The following CCNY variants were observed in gnomAD, a reference collection of about 807,000 sequenced individuals.
The protein encoded by CCNY is cyclin-Y.
Under a neutral mutation model 42.8 loss-of-function variants are expected in CCNY, and 19 were observed. The observed-to-expected ratio is 0.44, with a 90% CI of 0.31 to 0.65. The LOEUF is 0.65. Ranked by LOEUF, CCNY falls within the 30% of genes least tolerant of loss-of-function variation. The pLI, the probability that CCNY is intolerant of heterozygous loss-of-function variation, is 0.07. For synonymous variants in CCNY, 165 were observed against 162.7 expected, an observed-to-expected ratio of 1.01 and a Z score of -0.11; for missense variants, 370 against 437.3, an observed-to-expected ratio of 0.85 and a Z score of 1.37.
In CCNY at chr10:35,336,957, C is replaced by G. The variant is rs1289020011; in HGVS notation, c.-97C>G. ...CGTGGCGGCGAGCGGGCGGGCCTCC[C>G]CACACGCCCCCGCCGCCCGCGCCCC... On this transcript the variant is annotated 5_prime_UTR_variant, in exon 1 of 10. Coordinates refer to ENST00000374704, the MANE Select transcript of CCNY (RefSeq NM_145012.6). 2.9e-6 allele frequency: 3 copies of G among 1,018,240 alleles called. No homozygotes were observed. Among genetic ancestry groups the G allele is most frequent in the South Asian group, 8.2e-5 (2 of 24,332 alleles). The allele number at this position is 1,018,240 out of a possible 1,614,324, so 63.1% of individuals were successfully genotyped here.
At chr10:35,298,827 G>A (rs933534025) in intron 3 of CCNY, among the ~76,000 whole-genome samples, 1 of 152,114 alleles carries the variant, frequency 6.6e-6, no homozygotes, top group African/African-American at 2.4e-5. Flanking sequence ...TGGCCTTGTT[G>A]TTGTTGTTTT....
chr10:35,434,860 G>A (rs112383470), intron 1 of CCNY, among the ~76,000 whole-genome samples: 1,589 of 152,210 alleles, frequency 0.01, 24 homozygotes, highest in African/African-American at 0.036. Flanking sequence ...TATTGCTTCT[G>A]TTTTTCTCCC....
At chr10:35,435,449 A>G (rs897200738) in intron 1 of CCNY, among the ~76,000 whole-genome samples, 2 of 152,214 alleles carry the variant, frequency 1.3e-5, no homozygotes, top group African/African-American at 4.8e-5. Flanking sequence ...CTAGTGGGTC[A>G]TATCGGGCTG....
At chr10:35,514,645 T>A (rs116134591) in intron 3 of CCNY, among the ~76,000 whole-genome samples, 1,994 of 152,330 alleles carry the variant, frequency 0.013, 33 homozygotes, top group East Asian at 0.055. Context: ...GGAAACCATT[T>A]ATTCTTTGCA....
chr10:35,432,820 C>T (rs1412743498), intron 1 of CCNY, among the ~76,000 whole-genome samples: 17 of 152,196 alleles, frequency 1.1e-4, no homozygotes, highest in Admixed American at 1.1e-3. Context: ...ATGTAAGAGA[C>T]AAAACAAATC....
intron 3 of CCNY, among the ~76,000 whole-genome samples, chr10:35,257,239 C>CCTTCCTTT: frequency 1.5e-5 from 2 of 132,612 alleles, no homozygotes. Context: ...TCCCTTCCTT[C>CCTTCCTTT]CTCTTTCTTT....
chr10:35,325,579 A>G (rs1835871110), intron 3 of CCNY, among the ~76,000 whole-genome samples: 1 of 149,924 alleles, frequency 6.7e-6, no homozygotes, highest in South Asian at 2.1e-4. Context: ...TACAGGGTTC[A>G]AGCTGAGGCC....
intron 7 of CCNY, among the ~76,000 whole-genome samples, chr10:35,532,647 A>C (rs959544944): frequency 6.6e-6 from 1 of 152,210 alleles, no homozygotes; most frequent in African/African-American, 2.4e-5. Flanking sequence ...TTGCACCTTG[A>C]TGAGTTATGT....
chr10:35,384,258 T>C (rs1837255492), intron 1 of CCNY, among the ~76,000 whole-genome samples: 2 of 152,312 alleles, frequency 1.3e-5, no homozygotes, highest in Middle Eastern at 3.4e-3. Flanking sequence ...TGTGCTTTTC[T>C]CCAAAGATGA....
chr10:35,465,767 C>T (rs754652435), intron 1 of CCNY, among the ~76,000 whole-genome samples: 22 of 152,134 alleles, frequency 1.4e-4, no homozygotes, highest in Non-Finnish European at 2.5e-4. Flanking sequence ...TCCAGCTCTG[C>T]GTGAGGCCCG....
At chr10:35,429,625 G>A (rs1005002324) in intron 1 of CCNY, among the ~76,000 whole-genome samples, 7 of 152,218 alleles carry the variant, frequency 4.6e-5, no homozygotes, top group Non-Finnish European at 7.3e-5. Context: ...TGAAAATGGA[G>A]TATGCAGGTA....
At chr10:35,484,093 G>A (rs1216762229) in intron 2 of CCNY, among the ~76,000 whole-genome samples, 2 of 152,204 alleles carry the variant, frequency 1.3e-5, no homozygotes, top group African/African-American at 2.4e-5. Flanking sequence ...AGAGGAGAGA[G>A]AAGATAAAAC....
At chr10:35,316,400 A>G (rs943441511) in intron 3 of CCNY, 4 of 152,130 alleles carry the variant, frequency 2.6e-5, no homozygotes, top group African/African-American at 9.7e-5. Flanking sequence ...ACCCATATCC[A>G]TGGTTATTTC....
intron 1 of CCNY, among the ~76,000 whole-genome samples, chr10:35,431,401 CCTCTCTCTCTCTCTCTCTCTCTCTCTCT>C (rs1177072692): frequency 3.3e-4 from 1 of 3,052 alleles, no homozygotes. Flanking sequence ...CCCCTCCCCT[CCTCTCTCTCTCTCTCTCTCTCTCTCTCT>C]CTCTCTCTCT....
intron 1 of CCNY, among the ~76,000 whole-genome samples, chr10:35,359,768 C>T (rs1836641897): frequency 1.3e-5 from 2 of 152,178 alleles, no homozygotes; most frequent in South Asian, 4.1e-4. Flanking sequence ...GTTAAAAAAC[C>T]CCAAGTCCTC....
At chr10:35,565,326 A>C (rs1841547634) in intron 8 of CCNY, among the ~76,000 whole-genome samples, 1 of 152,030 alleles carries the variant, frequency 6.6e-6, no homozygotes. Flanking sequence ...AGTTCCTTAG[A>C]AATGCACATT....
chr10:35,413,824 G>A (rs543884367), intron 1 of CCNY, among the ~76,000 whole-genome samples: 3 of 152,114 alleles, frequency 2.0e-5, no homozygotes, highest in Non-Finnish European at 2.9e-5. Flanking sequence ...CGGGAAATGC[G>A]GTAGAGATTT....
At chr10:35,410,194 C>G (rs1432134554) in intron 1 of CCNY, among the ~76,000 whole-genome samples, 1 of 151,898 alleles carries the variant, frequency 6.6e-6, no homozygotes, top group African/African-American at 2.4e-5. Flanking sequence ...ATAAGCTGAG[C>G]CTTACACAAA....
intron 5 of CCNY, among the ~76,000 whole-genome samples, chr10:35,526,582 C>T (rs1840656971): frequency 6.6e-6 from 1 of 151,872 alleles, no homozygotes; most frequent in African/African-American, 2.4e-5. Context: ...AACTTCAAGA[C>T]ATTTGCTTCA....
Sources: allele counts gnomAD v4.1 joint callset (sites outside exome capture counted in the v4.1 genomes callset), GRCh38; gene constraint gnomAD v4.1.1; transcripts MANE v1.5; gene names NCBI Gene and HGNC (gene_info 2026-07-23, HGNC 2026-07-21).